Variants in CYB5R3 observed in about 807,000 individuals in gnomAD.
CYB5R3 encodes the protein NADH-cytochrome b5 reductase 3.
In CYB5R3, 28 loss-of-function variants were observed where a neutral mutation model predicts 36.5. The observed-to-expected ratio is 0.77, with a 90% confidence interval of 0.57 to 1.05. CYB5R3 has a LOEUF of 1.05. Ranked by LOEUF, CYB5R3 falls within the 50% of genes least tolerant of loss-of-function variation. CYB5R3 has a pLI of 0.00. For synonymous variants in CYB5R3, 181 were observed against 159.8 expected, an observed-to-expected ratio of 1.13 and a Z score of -1.00; for missense variants, 474 against 408.9, an observed-to-expected ratio of 1.16 and a Z score of -1.37.
intron 8 of CYB5R3, among the ~76,000 whole-genome samples, chr22:42,623,544 G>A (rs779469490): frequency 1.3e-5 from 2 of 152,194 alleles, no homozygotes; most frequent in Admixed American, 6.5e-5. Flanking sequence ...CAGTGCGCCC[G>A]GGAAAGGACT....
In CYB5R3 at chr22:42,627,758, G is replaced by A. The variant is rs757383164; in HGVS notation, c.464-70C>T. 2.5e-5 allele frequency: 30 copies of A among 1,210,334 alleles called. No individual in the cohort carries two copies. In the Admixed American group the frequency reaches 3.7e-4, roughly 15 times the overall value. The allele number at this position is 1,210,334 out of a possible 1,614,324, so 75.0% of individuals were successfully genotyped here. A position where few individuals can be genotyped will look rare whatever the true frequency, so the allele number is the denominator to read the frequency against. On this transcript the variant is annotated intron_variant, in intron 5 of 8. Coordinates refer to ENST00000352397, the MANE Select transcript of CYB5R3 (RefSeq NM_000398.7). ...GTGTGGTGGCTGGAGAGGCTGGAGAGGGGGCTGGAGAACCTGCCCCCACTG... is the reference window on the plus strand; with the variant it reads ...GTGTGGTGGCTGGAGAGGCTGGAGAAGGGGCTGGAGAACCTGCCCCCACTG...
rs1927865607 is a variant in CYB5R3, at chr22:42,619,854, G to A, written c.825C>T (p.Gly275=). The A allele has an allele frequency of 3.1e-6, 5 of 1,605,568 alleles. No individual in the cohort carries two copies. Among genetic ancestry groups the A allele is most frequent in the Non-Finnish European group, 3.4e-6 (4 of 1,176,894 alleles). ...PEEEPLVLMC[G]PPPMIQYACL... Reference sequence around the variant, plus strand: ...AGGCGTACTGGATCATGGGTGGGGGGCCACACATCAGCACCAGCGGCTCCT... The same window carrying A: ...AGGCGTACTGGATCATGGGTGGGGGACCACACATCAGCACCAGCGGCTCCT... Residue 275 remains glycine, a synonymous_variant, in exon 9 of 9, where the codon GGC becomes GGT. Transcript: ENST00000352397.
chr22:42,635,020 A>G (rs1199049780), intron 2 of CYB5R3, among the ~76,000 whole-genome samples: 28 of 132,080 alleles, frequency 2.1e-4, no homozygotes, highest in African/African-American at 8.4e-4. Context: ...CCCAGGCTGG[A>G]GTGCAGTGGC....
At position 42,631,454 on chromosome 22, in the gene CYB5R3, G is replaced by C. The variant is rs759455768; in HGVS notation, c.154-4C>G. On this transcript the variant is annotated splice_region_variant and splice_polypyrimidine_tract_variant and intron_variant, in intron 2 of 8. Coordinates refer to ENST00000352397, the MANE Select transcript of CYB5R3 (RefSeq NM_000398.7). ...GCCGGGTGTCATGGCTGATGATCTG[G>C]AGAGAGGCCCAAAGCTGCTGAACGG... The C allele has an allele frequency of 6.4e-6, 10 of 1,551,486 alleles. No individual in the cohort carries two copies. The highest frequency in any genetic ancestry group is 3.5e-6 in the Non-Finnish European group (4 of 1,146,966).
intron 1 of CYB5R3, chr22:42,647,018 G>A: frequency 2.0e-6 from 2 of 977,500 alleles, no homozygotes; most frequent in Non-Finnish European, 1.2e-6. Flanking sequence ...CCCCTGGCCT[G>A]GATCCCACAA....
At chr22:42,635,395 C>A (rs530397204) in intron 2 of CYB5R3, among the ~76,000 whole-genome samples, 6 of 152,014 alleles carry the variant, frequency 3.9e-5, no homozygotes, top group African/African-American at 1.5e-4. Flanking sequence ...TGAGCCACCA[C>A]GCCTGGCCTA....
chr22:42,636,515 C>A (rs1928899499), intron 2 of CYB5R3, among the ~76,000 whole-genome samples, 200 bp downstream of exon 2: 1 of 152,236 alleles, frequency 6.6e-6, no homozygotes. Context: ...AGAGAAGGGG[C>A]TCTGTGGACA....
chr22:42,644,432 C>T (rs1229049678), intron 1 of CYB5R3: 1 of 743,406 alleles, frequency 1.3e-6, no homozygotes, highest in East Asian at 2.7e-5. Context: ...CATCTTGCTT[C>T]AGGCGTTCGC....
rs1350897047 is a variant in CYB5R3 at position 42,627,381 on chromosome 22, G to C, written c.556C>G (p.Pro186Ala). The C allele has an allele frequency of 6.2e-7, 1 of 1,613,550 alleles. No homozygotes were observed. The highest frequency in any genetic ancestry group is 2.2e-5 in the East Asian group (1 of 44,874). ...ATGGCGCGGATCACCTGCAGCATCG[G>C]GGTGATGCCTGCAAAATAGCCGGCC... The part of the protein sequence containing the change: ...GMIAGGTGIT[P>A]MLQVIRAIMK... The change falls in exon 7 of 9, where the codon CCG becomes GCG. Residue 186 changes from proline (P) to alanine (A), a missense_variant. Pro to Ala is a conservative substitution (Grantham distance 27, BLOSUM62 -1). Coordinates refer to ENST00000352397, the MANE Select transcript of CYB5R3 (RefSeq NM_000398.7).
chr22:42,643,875 A>T (rs2146910513), intron 1 of CYB5R3, among the ~76,000 whole-genome samples: 1 of 152,174 alleles, frequency 6.6e-6, no homozygotes, highest in South Asian at 2.1e-4. Flanking sequence ...GGAGGCACAC[A>T]GCGGTCAGCG....
intron 6 of CYB5R3, 89 bp from the exon 7 acceptor site, chr22:42,627,478 C>T (rs1240221590): frequency 1.3e-6 from 2 of 1,496,848 alleles, no homozygotes; most frequent in African/African-American, 1.4e-5. Context: ...GTGGAGGGGC[C>T]AGGACCACTG....
intron 3 of CYB5R3, 192 bp from the exon 4 acceptor site, chr22:42,631,180 G>A (rs561535579): frequency 2.7e-4 from 203 of 749,116 alleles, no homozygotes; most frequent in Middle Eastern, 4.8e-4. Flanking sequence ...CTTCACTCCT[G>A]CTGGTGCCAC....
intron 1 of CYB5R3, among the ~76,000 whole-genome samples, chr22:42,647,318 A>C (rs984295088): frequency 1.3e-5 from 2 of 152,178 alleles, no homozygotes; most frequent in Non-Finnish European, 2.9e-5. Context: ...CATTCAACAG[A>C]AATATATGGA....
intron 2 of CYB5R3, among the ~76,000 whole-genome samples, chr22:42,634,651 C>A: frequency 7.2e-6 from 1 of 138,596 alleles, no homozygotes; most frequent in Non-Finnish European, 1.6e-5. Flanking sequence ...ATTGAGACAG[C>A]GTCTTGCTCT....
chr22:42,623,539 C>A lies in CYB5R3; in HGVS notation c.733+250G>T, dbSNP rs1314899845. Among the ~76,000 whole-genome samples the A allele has an allele frequency of 4.6e-5, 7 of 152,174 alleles. No homozygotes were observed. In the East Asian group the frequency reaches 7.7e-4, roughly 17 times the overall value. ...CTCTGCCCAGCTGGGCAGTGCAGTG[C>A]GCCCGGGAAAGGACTCTGCCTCTGG... On this transcript the variant is annotated intron_variant, in intron 8 of 8. Coordinates refer to ENST00000352397, the MANE Select transcript of CYB5R3 (RefSeq NM_000398.7).
chr22:42,619,944 G>T lies in CYB5R3; in HGVS notation c.735C>A (p.Ala245=). The change falls in exon 9 of 9, where the codon GCC becomes GCA. Residue 245 remains alanine (A), a splice_region_variant and synonymous_variant. Transcript: ENST00000352397. ...LWYTLDRAPE[A]WDYGQGFVNE... ...TCACGAAGCCCTGGCCGTAGTCCCA[G>T]GCTGTGGGGTGAGAGACCAGGTAAG... 1 of 1,596,612 alleles carries T rather than the reference G, an allele frequency of 6.3e-7. No homozygotes were observed. The highest frequency in any genetic ancestry group is 8.5e-7 in the Non-Finnish European group (1 of 1,171,140).
At chr22:42,641,687 T>C (rs1315386447) in intron 1 of CYB5R3, among the ~76,000 whole-genome samples, 2 of 152,198 alleles carry the variant, frequency 1.3e-5, no homozygotes, top group African/African-American at 4.8e-5. Flanking sequence ...GTTTTCATCA[T>C]GTTGGCCAGG....
intron 7 of CYB5R3, among the ~76,000 whole-genome samples, chr22:42,624,589 G>A (rs1340187574): frequency 4.5e-5 from 2 of 44,192 alleles, no homozygotes; most frequent in African/African-American, 1.8e-4. Context: ...TCCCCCACCC[G>A]ACTCCCCGCC....
At chr22:42,622,407 G>T (rs936710456) in intron 8 of CYB5R3, among the ~76,000 whole-genome samples, 1 of 152,128 alleles carries the variant, frequency 6.6e-6, no homozygotes, top group Non-Finnish European at 1.5e-5. Context: ...CCACTGGAAG[G>T]TCAGCTGCGG....
Sources: allele counts gnomAD v4.1 joint callset (sites outside exome capture counted in the v4.1 genomes callset), GRCh38; gene constraint gnomAD v4.1.1; transcripts MANE v1.5; gene names NCBI Gene and HGNC (gene_info 2026-07-23, HGNC 2026-07-21).